Variants in FMN1 observed in about 807,000 individuals in gnomAD.
FMN1 encodes the protein formin 1.
FMN1 carries 110 observed loss-of-function variants against 132.4 expected under a neutral mutation model. The observed-to-expected ratio is 0.83, with a 90% CI of 0.71 to 0.97. The LOEUF is 0.97. Ranked by LOEUF, FMN1 falls within the 50% of genes least tolerant of loss-of-function variation. The probability of loss-of-function intolerance (pLI) is 0.00; values close to 1 mark genes in which losing one functional copy is unlikely to be tolerated. For missense variants in FMN1, 1,792 were observed against 1,705.3 expected (o/e 1.05, Z -0.90); for synonymous variants, 722 against 651.7 (o/e 1.11, Z -1.64).
chr15:33,106,803 A>C (rs544795509), intron 4 of FMN1, among the ~76,000 whole-genome samples: 1 of 152,086 alleles, frequency 6.6e-6, no homozygotes, highest in East Asian at 1.9e-4. Flanking sequence ...TGGCCAACTA[A>C]AATCTCTGAA....
At chr15:32,834,751 T>G (rs868172459) in intron 17 of FMN1, among the ~76,000 whole-genome samples, 48 of 152,304 alleles carry the variant, frequency 3.2e-4, no homozygotes, top group Middle Eastern at 3.4e-3. Context: ...TTTGAACAAA[T>G]AGTTTTCCAT....
chr15:32,994,656 C>CT (rs1266820080), intron 7 of FMN1, among the ~76,000 whole-genome samples: 1 of 152,194 alleles, frequency 6.6e-6, no homozygotes, highest in Admixed American at 6.5e-5. Context: ...CAGTGCCTGG[C>CT]ATCCAGGAAG....
chr15:32,801,891 A>G (rs1345051406), intron 18 of FMN1, among the ~76,000 whole-genome samples: 2 of 152,256 alleles, frequency 1.3e-5, no homozygotes, highest in Admixed American at 1.3e-4. Flanking sequence ...ATGAACCTGC[A>G]ATGGTTTGAT....
chr15:33,083,144 G>C (rs749571838), intron 5 of FMN1, among the ~76,000 whole-genome samples: 7 of 152,130 alleles, frequency 4.6e-5, no homozygotes, highest in Admixed American at 6.5e-5. Context: ...TGTATATTTC[G>C]TCTTCATCTG....
chr15:33,010,564 C>T (rs965477832), intron 6 of FMN1, among the ~76,000 whole-genome samples: 1 of 152,080 alleles, frequency 6.6e-6, no homozygotes, highest in Non-Finnish European at 1.5e-5. Flanking sequence ...TGATATTCAT[C>T]ATTTTTCTAC....
chr15:33,013,073 T>C (rs776182877), intron 6 of FMN1: 165 of 408,428 alleles, frequency 4.0e-4, no homozygotes, highest in Non-Finnish European at 7.2e-4. Flanking sequence ...TTTTAATTAC[T>C]GCCAGGAAAC....
chr15:32,864,836 G>T (rs945214920), intron 16 of FMN1, among the ~76,000 whole-genome samples: 1 of 152,122 alleles, frequency 6.6e-6, no homozygotes, highest in Non-Finnish European at 1.5e-5. Context: ...TATACTCCAA[G>T]AAGTAGAAAC....
At position 32,888,190 on chromosome 15, in the gene FMN1, G is replaced by A; in HGVS notation, c.3817C>T (p.Leu1273=). The A allele has an allele frequency of 6.2e-7, 1 of 1,610,000 alleles. No individual in the cohort carries two copies. Among genetic ancestry groups the A allele is most frequent in the Non-Finnish European group, 8.5e-7 (1 of 1,178,592 alleles). The change falls in exon 16 of 21, where the codon CTG becomes TTG. Residue 1273 remains leucine (L), a synonymous_variant. Coordinates refer to ENST00000616417, the MANE Select transcript of FMN1 (RefSeq NM_001277313.2). ...FEDLIKDLRK[L]KRQLEASEKQ... The stretch of plus-strand genomic sequence containing the variant: ...CTATTACCTTCTAGTTGCCTCTTCA[G>A]TTTTCTCAAATCTTTTATGAGGTCT...
chr15:32,877,147 C>T (rs1005970477), intron 16 of FMN1, among the ~76,000 whole-genome samples: 1 of 152,108 alleles, frequency 6.6e-6, no homozygotes, highest in African/African-American at 2.4e-5. Flanking sequence ...ATTAGCTGGG[C>T]ATGCTGGCGG....
chr15:32,814,194 T>C (rs184957005), intron 17 of FMN1, among the ~76,000 whole-genome samples: 2 of 152,356 alleles, frequency 1.3e-5, no homozygotes, highest in East Asian at 3.9e-4. Context: ...GACCCATATA[T>C]GTCTTTAACT....
intron 4 of FMN1, among the ~76,000 whole-genome samples, chr15:33,122,843 T>C (rs749854192): frequency 2.0e-5 from 3 of 152,148 alleles, no homozygotes; most frequent in Admixed American, 2.0e-4. Flanking sequence ...TATATAGGAA[T>C]AGAAAGAGAT....
At chr15:33,071,433 A>G (rs1178270180) in intron 5 of FMN1, among the ~76,000 whole-genome samples, 1 of 152,210 alleles carries the variant, frequency 6.6e-6, no homozygotes, top group Non-Finnish European at 1.5e-5. Flanking sequence ...TTCTTCATCC[A>G]ATGTCATAAA....
chr15:32,964,225 A>G lies in FMN1; in HGVS notation c.3020T>C (p.Leu1007Ser). Residue 1007 changes from leucine to serine, a missense_variant, in exon 9 of 21, where the codon TTA becomes TCA. Physicochemically the swap from Leu to Ser is moderately radical, Grantham distance 145 (BLOSUM62 -2). This residue lies in a region of FMN1 where 1,150 missense variants were observed against 1,043.1 expected (regional missense o/e 1.10). Coordinates refer to ENST00000616417, the MANE Select transcript of FMN1 (RefSeq NM_001277313.2). ...QNATPTLWDS[L>S]EEPDIRDPSE... ...GGGGTCCCGAATGTCAGGTTCTTCT[A>G]AGGAGTCCCATAAGGTTGGTGTAGC... The G allele has an allele frequency of 1.2e-6, 2 of 1,611,278 alleles. No individual in the cohort carries two copies. The highest frequency in any genetic ancestry group is 1.7e-6 in the Non-Finnish European group (2 of 1,178,262).
intron 6 of FMN1, among the ~76,000 whole-genome samples, chr15:33,042,020 G>A (rs1378288873): frequency 2.1e-5 from 3 of 146,298 alleles, no homozygotes; most frequent in Non-Finnish European, 3.1e-5. Flanking sequence ...AACATAAATT[G>A]TCATGATGTC....
intron 19 of FMN1, among the ~76,000 whole-genome samples, chr15:32,796,635 T>C (rs1258752621): frequency 6.6e-6 from 1 of 152,210 alleles, no homozygotes; most frequent in East Asian, 1.9e-4. Flanking sequence ...TTCCAGTTAA[T>C]TTGCTTATTT....
intron 3 of FMN1, among the ~76,000 whole-genome samples, chr15:33,172,334 A>C (rs937671078): frequency 2.0e-5 from 3 of 152,242 alleles, no homozygotes; most frequent in Non-Finnish European, 2.9e-5. Flanking sequence ...CTTTTGTTTC[A>C]ATGATCAACC....
chr15:32,837,831 T>C (rs758176717), intron 17 of FMN1, among the ~76,000 whole-genome samples: 1 of 152,182 alleles, frequency 6.6e-6, no homozygotes, highest in Non-Finnish European at 1.5e-5. Context: ...ATAGTAGTGA[T>C]TGGTCACAGA....
rs945048109 is a variant in FMN1, at chr15:33,003,707, T to C, written c.2223+4307A>G. Among the ~76,000 whole-genome samples, 4 of 152,280 alleles carry C rather than the reference T, an allele frequency of 2.6e-5. No homozygotes were observed. The South Asian group carries it at 8.3e-4, about 32-fold the overall frequency. ...GGAAAAAACTACTTTAAAGTTCACA[T>C]GGAACCAAAAAAGAGCCCGCATTGC... On this transcript the variant is annotated intron_variant, in intron 7 of 20. Coordinates refer to ENST00000616417, the MANE Select transcript of FMN1 (RefSeq NM_001277313.2).
chr15:32,802,094 A>G (rs966115434), intron 18 of FMN1, among the ~76,000 whole-genome samples: 1 of 152,254 alleles, frequency 6.6e-6, no homozygotes, highest in Non-Finnish European at 1.5e-5. Flanking sequence ...TTGTTAGCAG[A>G]TAGCTCTAAA....
Sources: allele counts gnomAD v4.1 joint callset (sites outside exome capture counted in the v4.1 genomes callset), GRCh38; gene constraint gnomAD v4.1.1; regional missense constraint gnomAD v4.1.1; transcripts MANE v1.5; gene names NCBI Gene and HGNC (gene_info 2026-07-23, HGNC 2026-07-21).